The following ATP11B variants were observed in gnomAD, a reference collection of about 807,000 sequenced individuals.
ATP11B encodes the protein phospholipid-transporting ATPase IF.
ATP11B carries 81 observed loss-of-function variants against 157.8 expected under a neutral mutation model. The ratio of observed to expected loss-of-function variants is 0.51; its 90% CI spans 0.43 to 0.62. The LOEUF is 0.62. ATP11B is among the 20% of genes least tolerant of loss of function. ATP11B has a pLI of 0.00. For synonymous variants in ATP11B, 451 were observed against 469.4 expected (o/e 0.96, Z 0.51); for missense variants, 1,165 against 1,402.2 (o/e 0.83, Z 2.70).
At chr3:182,818,074 TGTTGA>T (rs1414109340) in intron 1 of ATP11B, among the ~76,000 whole-genome samples, 4 of 152,198 alleles carry the variant, frequency 2.6e-5, no homozygotes, top group African/African-American at 4.8e-5. Context: ...CATCTGAATC[TGTTGA>T]GTTGAGCTGA....
At chr3:182,875,443 G>GT (rs1479936837) in intron 19 of ATP11B, among the ~76,000 whole-genome samples, 2 of 152,020 alleles carry the variant, frequency 1.3e-5, no homozygotes, top group African/African-American at 4.8e-5. Flanking sequence ...TGTTGTTGTT[G>GT]TTGTTTGTTT....
chr3:182,830,787 A>C (rs1231779008), intron 4 of ATP11B, among the ~76,000 whole-genome samples: 1 of 152,202 alleles, frequency 6.6e-6, no homozygotes, highest in Non-Finnish European at 1.5e-5. Context: ...CATGTCAGAG[A>C]ATACTAGGCC....
At chr3:182,896,981 T>C (rs1560121928) in intron 26 of ATP11B, among the ~76,000 whole-genome samples, 1 of 152,150 alleles carries the variant, frequency 6.6e-6, no homozygotes, top group East Asian at 1.9e-4. Flanking sequence ...ATGATCACAT[T>C]TTTAAAAATC....
intron 2 of ATP11B, among the ~76,000 whole-genome samples, chr3:182,822,449 A>C (rs1717425065): frequency 6.6e-6 from 1 of 152,150 alleles, no homozygotes; most frequent in Non-Finnish European, 1.5e-5. Flanking sequence ...ACATGAACTC[A>C]TCCTTTTTTA....
intron 7 of ATP11B, 78 bp from the exon 8 acceptor site, chr3:182,841,997 A>AAAAAAAGGATGGTG: frequency 3.3e-6 from 3 of 911,610 alleles, no homozygotes; most frequent in East Asian, 2.7e-5. Flanking sequence ...AAAAAAAAAA[A>AAAAAAAGGATGGTG]CAAAGGATGG....
At chr3:182,859,600 A>G (rs1335101193) in intron 12 of ATP11B, among the ~76,000 whole-genome samples, 1 of 152,156 alleles carries the variant, frequency 6.6e-6, no homozygotes, top group Non-Finnish European at 1.5e-5. Context: ...TATGGAATAT[A>G]AAGACATAAC....
intron 21 of ATP11B, among the ~76,000 whole-genome samples, chr3:182,882,083 T>C (rs1722465403): frequency 6.6e-6 from 1 of 152,178 alleles, no homozygotes; most frequent in Non-Finnish European, 1.5e-5. Context: ...GGGCATAGGA[T>C]TTTTTATGGA....
chr3:182,890,992 C>G (rs551135257), intron 25 of ATP11B, among the ~76,000 whole-genome samples: 13 of 152,236 alleles, frequency 8.5e-5, no homozygotes, highest in African/African-American at 3.1e-4. Context: ...ACATATGTAA[C>G]AAACCTGCAC....
In ATP11B at chr3:182,870,002, A is replaced by G. The variant is rs117350980; in HGVS notation, c.1866+671A>G. Among the ~76,000 whole-genome samples the G allele has an allele frequency of 5.8e-3, 886 of 152,248 alleles. 21 individuals carry two copies. Among genetic ancestry groups the G allele is most frequent in the East Asian group, 0.055 (282 of 5,170 alleles). On this transcript the variant is annotated intron_variant, in intron 17 of 29. Transcript: ENST00000323116. ...GTGTGCTGAGTGAAAGAGGCAGTCAAAAAAGGCCTTATATTAATACTACAT... is the reference window on the plus strand; with the variant it reads ...GTGTGCTGAGTGAAAGAGGCAGTCAGAAAAGGCCTTATATTAATACTACAT...
At chr3:182,884,142 C>T (rs1487778994) in intron 21 of ATP11B, among the ~76,000 whole-genome samples, 3 of 151,834 alleles carry the variant, frequency 2.0e-5, no homozygotes, top group Non-Finnish European at 4.4e-5. Flanking sequence ...GGCAATGACT[C>T]TTCTTCTCTT....
chr3:182,855,000 C>T (rs1163875617), intron 10 of ATP11B, among the ~76,000 whole-genome samples: 1 of 151,944 alleles, frequency 6.6e-6, no homozygotes, highest in Non-Finnish European at 1.5e-5. Context: ...TTTCCCAAAT[C>T]GATTAATAGG....
intron 12 of ATP11B, among the ~76,000 whole-genome samples, chr3:182,859,999 C>G (rs1720714103): frequency 6.6e-6 from 1 of 150,758 alleles, no homozygotes; most frequent in Non-Finnish European, 1.5e-5. Context: ...CCTTTCTGCT[C>G]CGATTGGATT....
intron 9 of ATP11B, among the ~76,000 whole-genome samples, 193 bp downstream of exon 9, chr3:182,845,715 T>C (rs1577012370): frequency 6.6e-6 from 1 of 152,358 alleles, no homozygotes; most frequent in East Asian, 1.9e-4. Flanking sequence ...CCCTGTTTTT[T>C]AATAGTAGAC....
Position 182,841,620 on chromosome 3 carries a change from A to G in ATP11B, c.657-455A>G, listed in dbSNP as rs557851632. On this transcript the variant is annotated intron_variant, in intron 7 of 29. Transcript: ENST00000323116. ...CTTAAGGACTGATAAGTGTTTTTAA[A>G]ATGATTTATAGCAAGAATATTGGAC... Among the ~76,000 whole-genome samples the G allele has an allele frequency of 9.3e-4, 141 of 152,264 alleles. 1 individual carries two copies. Among genetic ancestry groups the G allele is most frequent in the African/African-American group, 3.3e-3 (139 of 41,548 alleles).
intron 10 of ATP11B, among the ~76,000 whole-genome samples, chr3:182,852,220 A>G (rs1263411936): frequency 6.6e-6 from 1 of 152,254 alleles, no homozygotes; most frequent in South Asian, 2.1e-4. Flanking sequence ...TTCAAATAGA[A>G]TGGTAATTGA....
chr3:182,817,476 T>G (rs1263331524), intron 1 of ATP11B, among the ~76,000 whole-genome samples: 1 of 152,176 alleles, frequency 6.6e-6, no homozygotes, highest in Non-Finnish European at 1.5e-5. Flanking sequence ...AGACGGAGTT[T>G]CACCATGTTG....
intron 5 of ATP11B, 84 bp from the exon 6 acceptor site, chr3:182,836,258 T>C: frequency 6.3e-7 from 1 of 1,580,638 alleles, no homozygotes; most frequent in Non-Finnish European, 8.7e-7. Flanking sequence ...AATACTGTGA[T>C]AGGCTGCTTC....
At chr3:182,797,374 C>G (rs756554468) in intron 1 of ATP11B, among the ~76,000 whole-genome samples, 1 of 152,122 alleles carries the variant, frequency 6.6e-6, no homozygotes, top group Non-Finnish European at 1.5e-5. Flanking sequence ...GTTATTCTTA[C>G]GTATAAAATA....
intron 17 of ATP11B, among the ~76,000 whole-genome samples, chr3:182,871,624 G>A (rs890425032): frequency 6.6e-6 from 1 of 152,134 alleles, no homozygotes; most frequent in East Asian, 1.9e-4. Flanking sequence ...TACGAAGTAG[G>A]TAAAAAATGG....
Sources: allele counts gnomAD v4.1 joint callset (sites outside exome capture counted in the v4.1 genomes callset), GRCh38; gene constraint gnomAD v4.1.1; transcripts MANE v1.5; gene names NCBI Gene and HGNC (gene_info 2026-07-23, HGNC 2026-07-21).